Variants in DYRK2 observed in about 807,000 individuals in gnomAD.
DYRK2 encodes dual specificity tyrosine-phosphorylation-regulated kinase 2.
In DYRK2, 12 loss-of-function variants were observed where a neutral mutation model predicts 41.6. That is an observed-to-expected ratio of 0.29 (90% confidence interval 0.18 to 0.47). The LOEUF (loss-of-function observed/expected upper bound fraction) is 0.47. Ranked by LOEUF, DYRK2 falls within the 20% of genes least tolerant of loss-of-function variation. The probability of loss-of-function intolerance (pLI) is 1.00; values close to 1 mark genes in which losing one functional copy is unlikely to be tolerated. For synonymous variants in DYRK2, 322 were observed against 315.7 expected, an observed-to-expected ratio of 1.02 and a Z score of -0.21; for missense variants, 678 against 798.4, an observed-to-expected ratio of 0.85 and a Z score of 1.82.
intron 1 of DYRK2, 128 bp from the exon 2 acceptor site, chr12:67,649,669 C>G (rs1592710599): frequency 9.1e-6 from 10 of 1,100,936 alleles, no homozygotes; most frequent in Non-Finnish European, 1.2e-5. Flanking sequence ...CCCGTTTTTA[C>G]TGCCCCGGTC....
intron 2 of DYRK2, among the ~76,000 whole-genome samples, chr12:67,656,188 A>G (rs910116272): frequency 5.3e-5 from 8 of 152,194 alleles, no homozygotes; most frequent in African/African-American, 1.9e-4. Flanking sequence ...TCCCAAGAAG[A>G]TTCTCAGTAG....
In DYRK2 at chr12:67,658,145, C is replaced by T. The variant is rs762808815; in HGVS notation, c.1238C>T (p.Ala413Val). The change falls in exon 3 of 3, where the codon GCA becomes GTA. Residue 413 changes from alanine (A) to valine (V), a missense_variant. Physicochemically the swap from Ala to Val is moderately conservative, Grantham distance 64 (BLOSUM62 0). Around this residue, in one of 2 missense-constraint regions of DYRK2, gnomAD observed 393 missense variants for 519.1 expected, o/e 0.76. Coordinates refer to ENST00000344096, the MANE Select transcript of DYRK2 (RefSeq NM_006482.3). This position sits in a 1 kb window ranked among gnomAD's most constrained non-coding sequence, Gnocchi z 4.3. ...ATGTGGAGCCTGGGCTGCATTTTAGCAGAGCTCCTGACGGGTTACCCCCTC... is the reference window on the plus strand; with the variant it reads ...ATGTGGAGCCTGGGCTGCATTTTAGTAGAGCTCCTGACGGGTTACCCCCTC... ...IDMWSLGCIL[A>V]ELLTGYPLLP... 1 of 1,614,150 alleles carries T rather than the reference C, an allele frequency of 6.2e-7. No individual in the cohort carries two copies. Among genetic ancestry groups the T allele is most frequent in the Non-Finnish European group, 8.5e-7 (1 of 1,180,014 alleles).
At chr12:67,651,331 G>A (rs1447559486) in intron 2 of DYRK2, 1 of 256,630 alleles carries the variant, frequency 3.9e-6, no homozygotes, top group African/African-American at 2.3e-5. Context: ...CCAGTTTTTT[G>A]CTATGTGTTG....
At position 67,657,831 on chromosome 12, in the gene DYRK2, C is replaced by T. The variant is rs751679124; in HGVS notation, c.924C>T (p.Leu308=). The T allele has an allele frequency of 6.2e-7, 1 of 1,614,244 alleles. No individual in the cohort carries two copies. The highest frequency in any genetic ancestry group is 8.5e-7 in the Non-Finnish European group (1 of 1,180,048). Residue 308 remains leucine (L), a synonymous_variant, in exon 3 of 3, where the codon CTC becomes CTT. Coordinates refer to ENST00000344096, the MANE Select transcript of DYRK2 (RefSeq NM_006482.3). This position sits in a 1 kb window ranked among gnomAD's most constrained non-coding sequence, Gnocchi z 4.8. The part of the protein sequence containing the change: ...CMTFELLSMN[L]YELIKKNKFQ... Reference sequence around the variant, plus strand: ...CGTTTGAGCTGCTGAGCATGAACCTCTATGAGCTCATCAAGAAGAATAAAT... The same window carrying T: ...CGTTTGAGCTGCTGAGCATGAACCTTTATGAGCTCATCAAGAAGAATAAAT...
rs1266633567 is a variant in DYRK2 at position 67,660,885 on chromosome 12, TTAAATA to T, written c.*2175_*2180del. On this transcript the variant is annotated 3_prime_UTR_variant, in exon 3 of 3. Transcript: ENST00000344096. ...TTTCCAGTTATCTTCACATTTACAT[TTAAATA>T]TACAAACCTGAGCCTGCCATTATTA... 6.0e-6 allele frequency: 1 copy of T among 166,936 alleles called. No individual in the cohort carries two copies. The highest frequency in any genetic ancestry group is 1.5e-5 in the Non-Finnish European group (1 of 68,116). 10.3% of individuals were successfully genotyped at this position (166,936 alleles called of 1,614,324 possible).
rs144130469 is a variant in DYRK2, at chr12:67,661,489, A to G, written c.*2776A>G. 3 of 167,210 alleles carry G rather than the reference A, an allele frequency of 1.8e-5. No homozygotes were observed. The East Asian group carries it at 5.8e-4, about 32-fold the overall frequency. The allele number at this position is 167,210 out of a possible 1,614,324, so 10.4% of individuals were successfully genotyped here. On this transcript the variant is annotated 3_prime_UTR_variant, in exon 3 of 3. Transcript: ENST00000344096. Reference sequence around the variant, plus strand: ...GAGTGGTGCAAGACACTGTAGATTAACGGTAGAGGAGAAATTGTGCCCTTA... The same window carrying G: ...GAGTGGTGCAAGACACTGTAGATTAGCGGTAGAGGAGAAATTGTGCCCTTA...
At chr12:67,650,840 A>C (rs1872302021) in intron 2 of DYRK2, among the ~76,000 whole-genome samples, 1 of 152,176 alleles carries the variant, frequency 6.6e-6, no homozygotes, top group African/African-American at 2.4e-5. Context: ...TTTCCACAGG[A>C]ACAGCCTAAG....
intron 2 of DYRK2, among the ~76,000 whole-genome samples, chr12:67,650,880 G>A (rs1249240760): frequency 6.6e-6 from 1 of 152,134 alleles, no homozygotes; most frequent in Non-Finnish European, 1.5e-5. Flanking sequence ...GCTTGCTAGG[G>A]ATTGGTTTTA....
chr12:67,659,038 C>A lies in DYRK2; in HGVS notation c.*325C>A. The stretch of plus-strand genomic sequence containing the variant: ...CTGCCACGCATTTACAGATTGGTGT[C>A]AAAGACATTCACTATGTTTTTATGG... On this transcript the variant is annotated 3_prime_UTR_variant, in exon 3 of 3. Transcript: ENST00000344096. 4.6e-6 allele frequency: 1 copy of A among 218,310 alleles called. No homozygotes were observed. The highest frequency in any genetic ancestry group is 9.7e-6 in the Non-Finnish European group (1 of 102,570). 13.5% of individuals were successfully genotyped at this position (218,310 alleles called of 1,614,324 possible).
chr12:67,649,744 G>A (rs1872252483), intron 1 of DYRK2, 53 bp from the exon 2 acceptor site: 1 of 1,303,456 alleles, frequency 7.7e-7, no homozygotes, highest in Non-Finnish European at 9.8e-7. Flanking sequence ...GGGGGTCTGG[G>A]TGACTTTCTC....
chr12:67,653,730 G>T (rs749610924), intron 2 of DYRK2, among the ~76,000 whole-genome samples: 7 of 152,198 alleles, frequency 4.6e-5, no homozygotes, highest in Admixed American at 1.3e-4. Context: ...TTAACAAGGA[G>T]GATCTATTGG....
At position 67,658,849 on chromosome 12, in the gene DYRK2, A is replaced by G; in HGVS notation, c.*136A>G. 3.0e-6 allele frequency: 3 copies of G among 997,456 alleles called. No homozygotes were observed. The highest frequency in any genetic ancestry group is 4.3e-6 in the Non-Finnish European group (3 of 705,172). The allele number at this position is 997,456 out of a possible 1,614,324, so 61.8% of individuals were successfully genotyped here. A position where few individuals can be genotyped will look rare whatever the true frequency, so the allele number is the denominator to read the frequency against. The stretch of plus-strand genomic sequence containing the variant: ...TTGTATCTTTTCAGCACTTAATTTT[A>G]ATGTAAGAAAGTTGTTCATTTTGTT... On this transcript the variant is annotated 3_prime_UTR_variant, in exon 3 of 3. Transcript: ENST00000344096. This position sits in a 1 kb window ranked among gnomAD's most constrained non-coding sequence, Gnocchi z 4.3.
Position 67,649,933 on chromosome 12 carries a change from C to T in DYRK2, c.186C>T (p.Ala62=). The change falls in exon 2 of 3, where the codon GCC becomes GCT. Residue 62 remains alanine (A), a synonymous_variant. Transcript: ENST00000344096. The part of the protein sequence containing the change: ...LPPLRASNAA[A]AAHTIGGSKH... ...CTCTCCGGGCCAGCAACGCTGCCGC[C>T]GCAGCCCACACGGTGAGACCCAGCC... The T allele has an allele frequency of 2.2e-6, 3 of 1,377,590 alleles. No homozygotes were observed. The highest frequency in any genetic ancestry group is 1.8e-5 in the South Asian group (1 of 56,120). The allele number at this position is 1,377,590 out of a possible 1,614,324, so 85.3% of individuals were successfully genotyped here. A position where few individuals can be genotyped will look rare whatever the true frequency, so the allele number is the denominator to read the frequency against.
Position 67,657,697 on chromosome 12 carries a change from G to C in DYRK2, c.790G>C (p.Ala264Pro). Reference protein sequence around the residue: ...RNEKRFHRQAAEEIRILEHLR... With the variant: ...RNEKRFHRQAPEEIRILEHLR... ...TGAGAAGCGCTTCCACCGGCAAGCA[G>C]CGGAGGAGATCCGAATCCTGGAACA... The change falls in exon 3 of 3, where the codon GCG (alanine) becomes CCG (proline). Residue 264 changes from alanine (A) to proline (P), a missense_variant. Ala to Pro is a conservative substitution (Grantham distance 27). This residue lies in a region of DYRK2 where 393 missense variants were observed against 519.1 expected (regional missense o/e 0.76). Coordinates refer to ENST00000344096, the MANE Select transcript of DYRK2 (RefSeq NM_006482.3). The surrounding 1 kb of genome is among the most constrained non-coding windows in gnomAD (Gnocchi z 4.8). The C allele has an allele frequency of 6.2e-7, 1 of 1,614,150 alleles. No individual in the cohort carries two copies. Among genetic ancestry groups the C allele is most frequent in the Non-Finnish European group, 8.5e-7 (1 of 1,180,006 alleles).
chr12:67,658,668 T>C lies in DYRK2; in HGVS notation c.1761T>C (p.Asn587=), dbSNP rs766231212. ...ATTTGGCGCAGATGACAGATGCCAA[T>C]GGGAATATTCAGCAGAGGACAGTGT... ...RTNLAQMTDA[N]GNIQQRTVLP... is the part of the protein sequence containing the mutation. Residue 587 remains asparagine, a synonymous_variant, in exon 3 of 3, where the codon AAT becomes AAC. Transcript: ENST00000344096. The surrounding 1 kb of genome is among the most constrained non-coding windows in gnomAD (Gnocchi z 4.3). 1.2e-6 allele frequency: 2 copies of C among 1,613,696 alleles called. No homozygotes were observed. Among genetic ancestry groups the C allele is most frequent in the South Asian group, 2.2e-5 (2 of 91,008 alleles).
rs977471826 is a variant in DYRK2 at position 67,663,072 on chromosome 12, C to T, written c.*4359C>T. On this transcript the variant is annotated 3_prime_UTR_variant, in exon 3 of 3. Coordinates refer to ENST00000344096, the MANE Select transcript of DYRK2 (RefSeq NM_006482.3). Reference sequence around the variant, plus strand: ...CAATTATTCCCCACCAGTCTTCATTCTTTTCTCTGCACAAGTTCTGGTAAA... The same window carrying T: ...CAATTATTCCCCACCAGTCTTCATTTTTTTCTCTGCACAAGTTCTGGTAAA... 6.6e-6 allele frequency: 1 copy of T among 152,038 alleles called. No homozygotes were observed. The highest frequency in any genetic ancestry group is 2.1e-4 in the South Asian group (1 of 4,822). The allele number at this position is 152,038 out of a possible 1,614,324, so 9.4% of individuals were successfully genotyped here. A position where few individuals can be genotyped will look rare whatever the true frequency, so the allele number is the denominator to read the frequency against.
Position 67,658,490 on chromosome 12 carries a change from A to G in DYRK2, c.1583A>G (p.Gln528Arg), listed in dbSNP as rs910196972. The change falls in exon 3 of 3, where the codon CAG (glutamine) becomes CGG (arginine). Residue 528 changes from glutamine to arginine, a missense_variant. This residue lies in a region of DYRK2 where 393 missense variants were observed against 519.1 expected (regional missense o/e 0.76). Transcript: ENST00000344096. This position sits in a 1 kb window ranked among gnomAD's most constrained non-coding sequence, Gnocchi z 4.3. ...CCTGCAGTGCGCATGACCCCAGGCC[A>G]GGCTTTGCGGCACCCCTGGCTGAGG... The part of the protein sequence containing the change: ...WDPAVRMTPG[Q>R]ALRHPWLRRR... 1 of 1,609,200 alleles carries G rather than the reference A, an allele frequency of 6.2e-7. No individual in the cohort carries two copies. The highest frequency in any genetic ancestry group is 1.3e-5 in the African/African-American group (1 of 74,950).
At chr12:67,654,891 C>T (rs978595969) in intron 2 of DYRK2, among the ~76,000 whole-genome samples, 3 of 152,160 alleles carry the variant, frequency 2.0e-5, no homozygotes, top group African/African-American at 7.2e-5. Flanking sequence ...TGGGCAGTTG[C>T]TGAAGCCCTG....
chr12:67,663,334 C>T lies in DYRK2; in HGVS notation c.*4621C>T, dbSNP rs900108938. On this transcript the variant is annotated 3_prime_UTR_variant, in exon 3 of 3. Coordinates refer to ENST00000344096, the MANE Select transcript of DYRK2 (RefSeq NM_006482.3). ...ACAGCAAGCAGATGCTCTAGTAATT[C>T]GTCAGACATTGCAGGGATATTGTGT... 5 of 152,020 alleles carry T rather than the reference C, an allele frequency of 3.3e-5. No individual in the cohort carries two copies. The highest frequency in any genetic ancestry group is 1.2e-4 in the African/African-American group (5 of 41,404). The allele number at this position is 152,020 out of a possible 1,614,324, so 9.4% of individuals were successfully genotyped here.
Sources: allele counts gnomAD v4.1 joint callset (sites outside exome capture counted in the v4.1 genomes callset), GRCh38; gene constraint gnomAD v4.1.1; regional missense constraint gnomAD v4.1.1; non-coding constraint Gnocchi (gnomAD v3.1); transcripts MANE v1.5; gene names NCBI Gene and HGNC (gene_info 2026-07-23, HGNC 2026-07-21).